The following CD22 variants were observed in gnomAD, a reference collection of about 807,000 sequenced individuals.
CD22 encodes B-cell receptor CD22.
A neutral mutation model predicts 94.7 loss-of-function variants in CD22; 51 were observed. The observed-to-expected ratio is 0.54, with a 90% CI of 0.43 to 0.68. CD22 has a LOEUF of 0.68. Ranked by LOEUF, CD22 falls within the 30% of genes least tolerant of loss-of-function variation. The pLI is 0.00. For synonymous variants in CD22, 424 were observed against 422.5 expected (o/e 1.00, Z -0.04); for missense variants, 931 against 1,060.4 (o/e 0.88, Z 1.69).
intron 5 of CD22, 61 bp downstream of exon 5, chr19:35,338,082 G>T: frequency 6.4e-7 from 1 of 1,574,654 alleles, no homozygotes; most frequent in Non-Finnish European, 8.6e-7. Flanking sequence ...GACCCGGAGA[G>T]GGGAGCCACG....
At position 35,337,197 on chromosome 19, in the gene CD22, C is replaced by T. The variant is rs754690256; in HGVS notation, c.719-558C>T. ...GAGCTTGCAGTGAGCTGAGATCGCA[C>T]CACTGCACTCCAACCTGGGTGACGA... On this transcript the variant is annotated intron_variant, in intron 4 of 13. Transcript: ENST00000085219. This position sits in a 1 kb window ranked among gnomAD's most constrained non-coding sequence, Gnocchi z 4.4. Among the ~76,000 whole-genome samples, 3 of 151,964 alleles carry T rather than the reference C, an allele frequency of 2.0e-5. No homozygotes were observed. The highest frequency in any genetic ancestry group is 1.5e-5 in the Non-Finnish European group (1 of 68,008).
Position 35,332,020 on chromosome 19 carries a change from C to T in CD22, c.-21C>T, listed in dbSNP as rs2066652625. On this transcript the variant is annotated splice_region_variant and 5_prime_UTR_variant, in exon 2 of 14. Transcript: ENST00000085219. ...AAAGACAAACTCTCCCCTGCTCAGGCTTGCACCCAGACACGACACCATGCA... is the reference window on the plus strand; with the variant it reads ...AAAGACAAACTCTCCCCTGCTCAGGTTTGCACCCAGACACGACACCATGCA... The T allele has an allele frequency of 6.2e-7, 1 of 1,613,820 alleles. No homozygotes were observed. The highest frequency in any genetic ancestry group is 1.7e-5 in the Admixed American group (1 of 59,986).
Position 35,345,378 on chromosome 19 carries a change from G to C in CD22, c.2209-224G>C, listed in dbSNP as rs142469935. 2.6e-3 allele frequency: 1,375 copies of C among 522,956 alleles called. 17 individuals carry two copies. The highest frequency in any genetic ancestry group is 0.024 in the African/African-American group (1,103 of 46,854). The allele number at this position is 522,956 out of a possible 1,614,324, so 32.4% of individuals were successfully genotyped here. On this transcript the variant is annotated intron_variant, in intron 11 of 13. Coordinates refer to ENST00000085219, the MANE Select transcript of CD22 (RefSeq NM_001771.4). ...AGAGGTTGCAGTGAGCCAAGATTGCGCCATTGCACTCCAGCCTGGGTGACA... is the reference window on the plus strand; with the variant it reads ...AGAGGTTGCAGTGAGCCAAGATTGCCCCATTGCACTCCAGCCTGGGTGACA...
chr19:35,344,422 C>T (rs2145679543), intron 9 of CD22, among the ~76,000 whole-genome samples: 1 of 152,366 alleles, frequency 6.6e-6, no homozygotes, highest in South Asian at 2.1e-4. Context: ...GTGCCCTCTT[C>T]AGGGCCTAGG....
Position 35,344,835 on chromosome 19 carries a change from C to G in CD22, c.2042C>G (p.Pro681Arg). The change falls in exon 10 of 14, where the codon CCG (proline) becomes CGG (arginine). Residue 681 changes from proline to arginine, a missense_variant. Transcript: ENST00000085219. ...PLSTLTVYYS[P>R]ETIGRRVAVG... is the part of the protein sequence containing the mutation. ...CTCTCCTTTCTCCACCCAGATAGCC[C>G]GGAGACCATCGGCAGGCGAGTGGCT... 2 of 1,610,452 alleles carry G rather than the reference C, an allele frequency of 1.2e-6. No homozygotes were observed. Among genetic ancestry groups the G allele is most frequent in the Non-Finnish European group, 1.7e-6 (2 of 1,177,372 alleles).
At chr19:35,344,743 A>C in intron 9 of CD22, 86 bp from the exon 10 acceptor site, 1 of 937,354 alleles carries the variant, frequency 1.1e-6, no homozygotes, top group Non-Finnish European at 1.7e-6. Flanking sequence ...CTGGCTGCAG[A>C]GAGAAGTCCA....
At chr19:35,334,974 A>G (rs11881586) in intron 3 of CD22, among the ~76,000 whole-genome samples, 8,414 of 149,430 alleles carry the variant, frequency 0.056, 583 homozygotes, top group African/African-American at 0.17. Flanking sequence ...GCTACTCAGG[A>G]GGCTGAGGCA....
chr19:35,345,350 G>A lies in CD22; in HGVS notation c.2208+224G>A, dbSNP rs1248337981. On this transcript the variant is annotated intron_variant, in intron 11 of 13. Transcript: ENST00000085219. ...GCAGGAGAATCGCTTGAACCTGGGA[G>A]GCAGAGGTTGCAGTGAGCCAAGATT... The A allele has an allele frequency of 6.9e-6, 4 of 583,142 alleles. No homozygotes were observed. The African/African-American group carries it at 7.6e-5, about 11-fold the overall frequency. 36.1% of individuals were successfully genotyped at this position (583,142 alleles called of 1,614,324 possible). A position where few individuals can be genotyped will look rare whatever the true frequency, so the allele number is the denominator to read the frequency against.
rs1282078185 is a variant in CD22 at position 35,341,686 on chromosome 19, C to G, written c.1772-16C>G. The G allele has an allele frequency of 1.2e-6, 2 of 1,607,280 alleles. No individual in the cohort carries two copies. Among genetic ancestry groups the G allele is most frequent in the Non-Finnish European group, 1.7e-6 (2 of 1,176,940 alleles). ...TGGTAGTGACTTCGCACCCCCTCCC[C>G]CTGCCCGCCATGCAGATGCACCCAG... On this transcript the variant is annotated splice_polypyrimidine_tract_variant and intron_variant, in intron 8 of 13. Coordinates refer to ENST00000085219, the MANE Select transcript of CD22 (RefSeq NM_001771.4). This position sits in a 1 kb window ranked among gnomAD's most constrained non-coding sequence, Gnocchi z 4.0.
At position 35,346,800 on chromosome 19, in the gene CD22, GCACACACACACACACACGCACA is replaced by G. The variant is rs1185154907; in HGVS notation, c.*119_*140del. On this transcript the variant is annotated 3_prime_UTR_variant, in exon 14 of 14. Transcript: ENST00000085219. ...ATGGCTTCCTCCTGCGCGCATGTGC[GCACACACACACACACACGCACA>G]CACACACACACACACTCACTGCGGA... The G allele has an allele frequency of 2.6e-4, 233 of 907,834 alleles. No homozygotes were observed. Among genetic ancestry groups the G allele is most frequent in the Non-Finnish European group, 3.7e-4 (227 of 618,544 alleles). The allele number at this position is 907,834 out of a possible 1,614,324, so 56.2% of individuals were successfully genotyped here.
At chr19:35,340,802 C>T (rs59786647) in intron 6 of CD22, 79 bp from the exon 7 acceptor site, 20,741 of 1,519,140 alleles carry the variant, frequency 0.014, 392 homozygotes, top group African/African-American at 0.092. Flanking sequence ...GGACAGGTAG[C>T]GGGAGAAGAG....
chr19:35,341,726 C>T lies in CD22; in HGVS notation c.1796C>T (p.Ser599Phe). Residue 599 changes from serine to phenylalanine, a missense_variant, in exon 9 of 14, where the codon TCC (serine) becomes TTC (phenylalanine). Transcript: ENST00000085219. This position sits in a 1 kb window ranked among gnomAD's most constrained non-coding sequence, Gnocchi z 4.0. ...VLYAPRRLRV[S>F]MSPGDQVMEG... ...GATGCACCCAGGAGGCTGCGTGTGT[C>T]CATGAGCCCGGGGGACCAAGTGATG... The T allele has an allele frequency of 6.2e-7, 1 of 1,610,906 alleles. No homozygotes were observed. The highest frequency in any genetic ancestry group is 8.5e-7 in the Non-Finnish European group (1 of 1,179,978).
chr19:35,332,216 T>C lies in CD22; in HGVS notation c.34+142T>C, dbSNP rs1369004293. The C allele has an allele frequency of 1.0e-5, 9 of 867,080 alleles. No individual in the cohort carries two copies. In the South Asian group the frequency reaches 1.2e-4, roughly 12 times the overall value. 53.7% of individuals were successfully genotyped at this position (867,080 alleles called of 1,614,324 possible). A position where few individuals can be genotyped will look rare whatever the true frequency, so the allele number is the denominator to read the frequency against. On this transcript the variant is annotated intron_variant, in intron 2 of 13. Coordinates refer to ENST00000085219, the MANE Select transcript of CD22 (RefSeq NM_001771.4). ...GTATAGATAAATGTACATACAAATA[T>C]ATATGTTTCCCATATATACATACAC...
intron 3 of CD22, 36 bp downstream of exon 3, chr19:35,332,960 C>A (rs1265861012): frequency 1.6e-5 from 25 of 1,591,780 alleles, no homozygotes; most frequent in Non-Finnish European, 2.1e-5. Flanking sequence ...CTGCTCTGGG[C>A]AGGGGTGAGT....
Position 35,338,012 on chromosome 19 carries a change from C to A in CD22, c.976C>A (p.Gln326Lys). ...GGGAAGGTCGGAAGAAGTGTTCCTG[C>A]AAGTGCAGTGTGAGCCCCTCGGAGC... ...GPGRSEEVFLQVQYAPEPSTV... is the reference protein window; with the variant it reads ...GPGRSEEVFLKVQYAPEPSTV... The change falls in exon 5 of 14, where the codon CAA becomes AAA. Residue 326 changes from glutamine to lysine, a missense_variant. By Grantham distance (53) the Gln-to-Lys change is moderately conservative. Coordinates refer to ENST00000085219, the MANE Select transcript of CD22 (RefSeq NM_001771.4). 1 of 1,609,766 alleles carries A rather than the reference C, an allele frequency of 6.2e-7. No homozygotes were observed.
intron 3 of CD22, among the ~76,000 whole-genome samples, chr19:35,335,077 CAAAAAAAAAAAA>C (rs35391333): frequency 1.4e-5 from 1 of 73,692 alleles, no homozygotes; most frequent in Admixed American, 1.6e-4. Flanking sequence ...GACTCTGTCT[CAAAAAAAAAAAA>C]AAAAAAAAAA....
chr19:35,339,557 A>C (rs1232532796), intron 6 of CD22, among the ~76,000 whole-genome samples: 1 of 149,860 alleles, frequency 6.7e-6, no homozygotes, highest in African/African-American at 2.4e-5. Context: ...ACCTTGTCTC[A>C]AAAAAAAGAA....
Position 35,338,295 on chromosome 19 carries a change from A to C in CD22, c.1113A>C (p.Lys371Asn), listed in dbSNP as rs1210464195. Residue 371 changes from lysine to asparagine, a missense_variant, in exon 6 of 14, where the codon AAA becomes AAC. By Grantham distance (94) the Lys-to-Asn change is moderately conservative. Coordinates refer to ENST00000085219, the MANE Select transcript of CD22 (RefSeq NM_001771.4). ...ATTACACGTGGTACCACAATGGGAA[A>C]GAAATGCAGGGAAGGACAGAGGAGA... ...PTNYTWYHNG[K>N]EMQGRTEEKV... 1 of 1,614,142 alleles carries C rather than the reference A, an allele frequency of 6.2e-7. No homozygotes were observed. The highest frequency in any genetic ancestry group is 1.3e-5 in the African/African-American group (1 of 74,954).
At chr19:35,345,193 G>A (rs2066883852) in intron 11 of CD22, 67 bp downstream of exon 11, 24 of 1,391,786 alleles carry the variant, frequency 1.7e-5, no homozygotes, top group South Asian at 2.3e-5. Context: ...TGAGGCAGGT[G>A]GATCACCTGA....
Sources: allele counts gnomAD v4.1 joint callset (sites outside exome capture counted in the v4.1 genomes callset), GRCh38; gene constraint gnomAD v4.1.1; non-coding constraint Gnocchi (gnomAD v3.1); transcripts MANE v1.5; gene names NCBI Gene and HGNC (gene_info 2026-07-23, HGNC 2026-07-21).